TM9SF4: variants seen among roughly 807,000 people sequenced by gnomAD.
TM9SF4 encodes dinucleotide oxidase disulfide thiol exchanger 3 superfamily member 4.
A neutral mutation model predicts 90.4 loss-of-function variants in TM9SF4; 26 were observed. The ratio of observed to expected loss-of-function variants is 0.29; its 90% confidence interval spans 0.21 to 0.40. The LOEUF (loss-of-function observed/expected upper bound fraction) is 0.40. Among genes scored for constraint, TM9SF4 ranks in the 10% least tolerant of loss-of-function variants. The pLI is 1.00. For missense variants in TM9SF4, 549 were observed against 834.8 expected (o/e 0.66, Z 4.22); for synonymous variants, 293 against 315.4 (o/e 0.93, Z 0.75).
intron 16 of TM9SF4, 23 bp from the exon 17 acceptor site, chr20:32,161,253 A>T: frequency 6.2e-7 from 1 of 1,609,108 alleles, no homozygotes; most frequent in South Asian, 1.1e-5. Flanking sequence ...GACAACACTG[A>T]CCTTCCTCTG....
intron 8 of TM9SF4, 65 bp downstream of exon 8, chr20:32,145,488 T>C: frequency 7.0e-7 from 1 of 1,424,070 alleles, no homozygotes; most frequent in Non-Finnish European, 9.9e-7. Flanking sequence ...AGACATCACA[T>C]CATGTATGGG....
Position 32,145,119 on chromosome 20 carries a change from C to T in TM9SF4, c.681C>T (p.Cys227=). The change falls in exon 7 of 18, where the codon TGC becomes TGT. Residue 227 remains cysteine, a synonymous_variant. Coordinates refer to ENST00000398022, the MANE Select transcript of TM9SF4 (RefSeq NM_014742.4). ...TCAAAGCAGATGAGAAGAGTTCGTG[C>T]ACTCTGCCTGAGGGTACCAACTCCT... is the stretch of plus-strand genomic sequence containing the variant. ...EDLKADEKSS[C]TLPEGTNSSP... 1 of 1,614,124 alleles carries T rather than the reference C, an allele frequency of 6.2e-7. No individual in the cohort carries two copies. Among genetic ancestry groups the T allele is most frequent in the Non-Finnish European group, 8.5e-7 (1 of 1,180,018 alleles).
rs762154931 is a variant in TM9SF4 at position 32,141,487 on chromosome 20, C to G, written c.230-10C>G. The G allele has an allele frequency of 6.2e-7, 1 of 1,613,540 alleles. No homozygotes were observed. The highest frequency in any genetic ancestry group is 1.3e-5 in the African/African-American group (1 of 74,900). On this transcript the variant is annotated splice_polypyrimidine_tract_variant and intron_variant, in intron 3 of 17. Coordinates refer to ENST00000398022, the MANE Select transcript of TM9SF4 (RefSeq NM_014742.4). ...GAAGCTCTGAGCTTGATCTGTCTCT[C>G]TTACGGCAGGAGAGGTGCTGAGAGG...
intron 1 of TM9SF4, among the ~76,000 whole-genome samples, chr20:32,124,590 C>T (rs1042658739): frequency 6.9e-5 from 10 of 145,318 alleles, no homozygotes; most frequent in African/African-American, 2.6e-4. Flanking sequence ...CTTTTAAAAA[C>T]TTTTTTTTTT....
At chr20:32,158,712 G>T (rs1353861907) in intron 15 of TM9SF4, among the ~76,000 whole-genome samples, 198 bp downstream of exon 15, 1 of 152,202 alleles carries the variant, frequency 6.6e-6, no homozygotes. Flanking sequence ...GCTGGGCGCG[G>T]TGGCTCACAC....
rs1339882451 is a variant in TM9SF4, at chr20:32,166,794, G to C, written c.*1350G>C. 1 of 152,154 alleles carries C rather than the reference G, an allele frequency of 6.6e-6. No individual in the cohort carries two copies. Among genetic ancestry groups the C allele is most frequent in the African/African-American group, 2.4e-5 (1 of 41,406 alleles). The allele number at this position is 152,154 out of a possible 1,614,324, so 9.4% of individuals were successfully genotyped here. A position where few individuals can be genotyped will look rare whatever the true frequency, so the allele number is the denominator to read the frequency against. ...AGAGACCACATCCACCCAGGGATTA[G>C]GGTTCAAGTAGCAGCTGCTAACCCT... On this transcript the variant is annotated 3_prime_UTR_variant, in exon 18 of 18. Coordinates refer to ENST00000398022, the MANE Select transcript of TM9SF4 (RefSeq NM_014742.4).
intron 1 of TM9SF4, among the ~76,000 whole-genome samples, chr20:32,128,967 T>C (rs1424401664): frequency 2.0e-5 from 3 of 152,092 alleles, no homozygotes; most frequent in Admixed American, 1.3e-4. Flanking sequence ...ACCTCAGTGT[T>C]CAGAACAGTG....
chr20:32,162,669 C>G (rs2047034430), intron 17 of TM9SF4, among the ~76,000 whole-genome samples: 1 of 152,208 alleles, frequency 6.6e-6, no homozygotes, highest in South Asian at 2.1e-4. Context: ...CATTCCCATT[C>G]TTTCTGGACA....
At chr20:32,122,152 G>T (rs1391946751) in intron 1 of TM9SF4, among the ~76,000 whole-genome samples, 3 of 143,826 alleles carry the variant, frequency 2.1e-5, no homozygotes, top group African/African-American at 2.6e-5. Flanking sequence ...GGCCGGGCGG[G>T]GGGGGTGACC....
chr20:32,161,866 G>C (rs1203968821), intron 17 of TM9SF4, among the ~76,000 whole-genome samples: 2 of 152,192 alleles, frequency 1.3e-5, no homozygotes, highest in Non-Finnish European at 2.9e-5. Context: ...CGCAAGTACT[G>C]TTCAATCCTG....
intron 9 of TM9SF4, among the ~76,000 whole-genome samples, chr20:32,147,201 A>T (rs2046776107): frequency 6.6e-6 from 1 of 152,080 alleles, no homozygotes; most frequent in African/African-American, 2.4e-5. Context: ...GGATGGTCTC[A>T]GTCTCCTGAC....
At chr20:32,151,688 T>G (rs1357740292) in intron 12 of TM9SF4, among the ~76,000 whole-genome samples, 1 of 152,060 alleles carries the variant, frequency 6.6e-6, no homozygotes, top group Non-Finnish European at 1.5e-5. Flanking sequence ...TTATTGTTGT[T>G]GTTTGTTTTT....
At chr20:32,135,593 G>C (rs1488590231) in intron 2 of TM9SF4, among the ~76,000 whole-genome samples, 1 of 152,188 alleles carries the variant, frequency 6.6e-6, no homozygotes, top group Non-Finnish European at 1.5e-5. Context: ...GGCAAGGGGA[G>C]AGCTGAGACC....
At chr20:32,141,352 G>T in intron 3 of TM9SF4, 145 bp from the exon 4 acceptor site, 1 of 944,064 alleles carries the variant, frequency 1.1e-6, no homozygotes, top group Non-Finnish European at 1.6e-6. Flanking sequence ...TGAAGCAATG[G>T]GAAGGGCATT....
At chr20:32,114,878 C>T (rs1184786483) in intron 1 of TM9SF4, among the ~76,000 whole-genome samples, 1 of 152,162 alleles carries the variant, frequency 6.6e-6, no homozygotes, top group Non-Finnish European at 1.5e-5. Context: ...ATTACTTTGG[C>T]TTCATTAGTC....
Position 32,145,092 on chromosome 20 carries a change from C to T in TM9SF4, c.654C>T (p.Asp218=), listed in dbSNP as rs772916106. ...EVIPQSIRLE[D]LKADEKSSCT... ...AGACTGAGTCTGTGTCTCTCTCAGACCTCAAAGCAGATGAGAAGAGTTCGT... is the reference window on the plus strand; with the variant it reads ...AGACTGAGTCTGTGTCTCTCTCAGATCTCAAAGCAGATGAGAAGAGTTCGT... Residue 218 remains aspartate (D), a splice_region_variant and synonymous_variant, in exon 7 of 18, where the codon GAC becomes GAT. Coordinates refer to ENST00000398022, the MANE Select transcript of TM9SF4 (RefSeq NM_014742.4). 11 of 1,613,998 alleles carry T rather than the reference C, an allele frequency of 6.8e-6. No homozygotes were observed. The Admixed American group carries it at 1.7e-4, about 24-fold the overall frequency.
intron 13 of TM9SF4, among the ~76,000 whole-genome samples, chr20:32,156,314 C>T (rs896724851): frequency 1.3e-5 from 2 of 152,070 alleles, no homozygotes; most frequent in South Asian, 2.1e-4. Context: ...CAGTTCTAAT[C>T]CCCCATATCC....
At chr20:32,165,110 G>A (rs1046466217) in intron 17 of TM9SF4, among the ~76,000 whole-genome samples, 185 bp from the exon 18 acceptor site, 14 of 152,172 alleles carry the variant, frequency 9.2e-5, no homozygotes, top group African/African-American at 2.9e-4. Context: ...CAATACACAG[G>A]CCTGGTCCAG....
chr20:32,117,824 G>T (rs1196389933), intron 1 of TM9SF4, among the ~76,000 whole-genome samples: 1 of 152,052 alleles, frequency 6.6e-6, no homozygotes. Flanking sequence ...TTGCTACTTG[G>T]AAACCAAGTA....
Sources: allele counts gnomAD v4.1 joint callset (sites outside exome capture counted in the v4.1 genomes callset), GRCh38; gene constraint gnomAD v4.1.1; transcripts MANE v1.5; gene names NCBI Gene and HGNC (gene_info 2026-07-23, HGNC 2026-07-21).